Variants in NYAP2 observed in about 807,000 individuals in gnomAD.
NYAP2 encodes neuronal tyrosine-phosphorylated phosphoinositide-3-kinase adaptor 2.
NYAP2 carries 23 observed loss-of-function variants against 50.4 expected under a neutral mutation model. The ratio of observed to expected loss-of-function variants is 0.46; its 90% CI spans 0.33 to 0.65. NYAP2 has a LOEUF of 0.65. Ranked by LOEUF, NYAP2 falls within the 30% of genes least tolerant of loss-of-function variation. The probability of loss-of-function intolerance (pLI) is 0.02; values close to 1 mark genes in which losing one functional copy is unlikely to be tolerated. For synonymous variants in NYAP2, 394 were observed against 365.2 expected, an observed-to-expected ratio of 1.08 and a Z score of -0.90; for missense variants, 885 against 861.0, an observed-to-expected ratio of 1.03 and a Z score of -0.35.
intron 5 of NYAP2, among the ~76,000 whole-genome samples, chr2:225,585,004 T>C (rs1372440195): frequency 2.6e-5 from 4 of 152,200 alleles, no homozygotes; most frequent in Admixed American, 2.0e-4. Flanking sequence ...AAGCCAGAGA[T>C]GCTGCTTAAC....
chr2:225,493,563 G>T (rs1374372105), intron 3 of NYAP2, among the ~76,000 whole-genome samples: 1 of 152,178 alleles, frequency 6.6e-6, no homozygotes, highest in African/African-American at 2.4e-5. Flanking sequence ...AGGTAACTCA[G>T]TGTCTCTACT....
rs778402285 is a variant in NYAP2, at chr2:225,582,871, C to A, written c.1454C>A (p.Ala485Asp). The change falls in exon 5 of 7, where the codon GCC becomes GAC. Residue 485 changes from alanine to aspartate, a missense_variant. By Grantham distance (126) the Ala-to-Asp change is moderately radical (BLOSUM62 -2). Coordinates refer to ENST00000636099, the Ensembl canonical transcript of NYAP2. This position sits in a 1 kb window ranked among gnomAD's most constrained non-coding sequence, Gnocchi z 7.0. The stretch of plus-strand genomic sequence containing the variant: ...CCCAGACCCGTGTCGCAAGATGGGG[C>A]CAAGATGGTCAACGCCGCGGTGAAC... 1 of 1,613,744 alleles carries A rather than the reference C, an allele frequency of 6.2e-7. No homozygotes were observed. Among genetic ancestry groups the A allele is most frequent in the East Asian group, 2.2e-5 (1 of 44,880 alleles).
chr2:225,407,937 C>A (rs1204992858), intron 2 of NYAP2, among the ~76,000 whole-genome samples: 2 of 151,900 alleles, frequency 1.3e-5, no homozygotes, highest in Non-Finnish European at 2.9e-5. Context: ...ATAATATTAG[C>A]TAATAGTATT....
intron 2 of NYAP2, among the ~76,000 whole-genome samples, chr2:225,408,094 TG>T (rs1694971668): frequency 6.6e-6 from 1 of 151,990 alleles, no homozygotes; most frequent in Non-Finnish European, 1.5e-5. Context: ...TATGCTTTTT[TG>T]TTTTGTTTTG....
chr2:225,399,521 CTTATT>C (rs1694823012), upstream of NYAP2, among the ~76,000 whole-genome samples: 1 of 151,968 alleles, frequency 6.6e-6, no homozygotes, highest in Non-Finnish European at 1.5e-5. Flanking sequence ...TATTTTGCAT[CTTATT>C]TTAGTTAAAA....
At position 225,512,811 on chromosome 2, in the gene NYAP2, T is replaced by TC. The variant is rs61085436; in HGVS notation, c.222-560_222-559insC. Among the ~76,000 whole-genome samples the TC allele has an allele frequency of 1.2e-3, 52 of 43,340 alleles. 3 individuals are homozygous for TC. Among genetic ancestry groups the TC allele is most frequent in the African/African-American group, 4.2e-3 (50 of 11,836 alleles). The allele number at this position is 43,340 out of a possible 152,430, so 28.4% of individuals were successfully genotyped here. A position where few individuals can be genotyped will look rare whatever the true frequency, so the allele number is the denominator to read the frequency against. On this transcript the variant is annotated intron_variant, in intron 3 of 6. Coordinates refer to ENST00000636099, the Ensembl canonical transcript of NYAP2. ...CTTTCCCTCCCTCCCTCTCTTTCTT[T>TC]TCTTTCTTTCTCTCTCTCTCTCTCT...
chr2:225,494,187 G>T (rs1277291389), intron 3 of NYAP2, among the ~76,000 whole-genome samples: 1 of 152,176 alleles, frequency 6.6e-6, no homozygotes, highest in Non-Finnish European at 1.5e-5. Context: ...TGGGAACACT[G>T]CCAGTTCACC....
intron 6 of NYAP2, among the ~76,000 whole-genome samples, chr2:225,648,329 G>T (rs1693671180): frequency 6.6e-6 from 1 of 152,064 alleles, no homozygotes. Context: ...AAAGCAAGAA[G>T]CAGTGGAAAA....
chr2:225,602,999 G>A (rs1335331916), intron 5 of NYAP2, among the ~76,000 whole-genome samples: 2 of 151,890 alleles, frequency 1.3e-5, no homozygotes, highest in East Asian at 1.9e-4. Context: ...AAAGTTATTG[G>A]GATTGTTTTT....
the NYAP2 span, among the ~76,000 whole-genome samples, chr2:225,668,691 T>C: frequency 3.3e-5 from 5 of 152,118 alleles, no homozygotes; most frequent in African/African-American, 7.2e-5. Flanking sequence ...ATCTCGGCCT[T>C]GAACCCCTCT....
intron 3 of NYAP2, among the ~76,000 whole-genome samples, chr2:225,473,819 T>C (rs1690054662): frequency 6.6e-6 from 1 of 152,246 alleles, no homozygotes. Flanking sequence ...TTTAGTTAGA[T>C]CCCATTTGTC....
In NYAP2 at chr2:225,420,460, C is replaced by A. The variant is rs73099723; in HGVS notation, c.221+11359C>A. ...ATAGTTTGATTTCTTTTCTGAAGAG[C>A]AATGTATATTCAACATCACAGGGTA... is the stretch of plus-strand genomic sequence containing the variant. On this transcript the variant is annotated intron_variant, in intron 3 of 6. Transcript: ENST00000636099. 2.6e-3 allele frequency among the ~76,000 whole-genome samples: 391 copies of A among 152,160 alleles called. 3 individuals are homozygous for A. Among genetic ancestry groups the A allele is most frequent in the African/African-American group, 9.0e-3 (372 of 41,498 alleles).
At chr2:225,577,816 T>C (rs2106226271) in intron 4 of NYAP2, among the ~76,000 whole-genome samples, 1 of 151,910 alleles carries the variant, frequency 6.6e-6, no homozygotes, top group African/African-American at 2.4e-5. Flanking sequence ...ATTTTTTTTT[T>C]TTTTTAAAAA....
At chr2:225,474,253 A>G (rs996684523) in intron 3 of NYAP2, among the ~76,000 whole-genome samples, 1 of 152,134 alleles carries the variant, frequency 6.6e-6, no homozygotes, top group African/African-American at 2.4e-5. Flanking sequence ...TGATGCCTCC[A>G]GCTTTGTTCT....
chr2:225,668,007 C>T, the NYAP2 span, among the ~76,000 whole-genome samples: 1 of 152,140 alleles, frequency 6.6e-6, no homozygotes, highest in Non-Finnish European at 1.5e-5. Flanking sequence ...CTACTATCAT[C>T]TAATATAAAG....
the NYAP2 span, among the ~76,000 whole-genome samples, chr2:225,691,111 G>GT: frequency 6.6e-6 from 1 of 151,700 alleles, no homozygotes; most frequent in Admixed American, 6.6e-5. Flanking sequence ...ATTTATTTGA[G>GT]TTTTTCAGAT....
intron 4 of NYAP2, among the ~76,000 whole-genome samples, chr2:225,518,168 T>C (rs1015540300): frequency 1.3e-5 from 2 of 151,704 alleles, no homozygotes; most frequent in South Asian, 2.1e-4. Flanking sequence ...AATAGAATAC[T>C]ATTCAGTCAT....
At chr2:225,636,143 A>G (rs189179696) in intron 6 of NYAP2, among the ~76,000 whole-genome samples, 1 of 152,326 alleles carries the variant, frequency 6.6e-6, no homozygotes, top group Admixed American at 6.5e-5. Context: ...AAAGAATGTT[A>G]TAAGTAAGCC....
chr2:225,621,016 A>C (rs545327772), intron 5 of NYAP2, among the ~76,000 whole-genome samples: 2 of 151,466 alleles, frequency 1.3e-5, no homozygotes, highest in South Asian at 4.2e-4. Flanking sequence ...CGGGAGGCTG[A>C]GGCAGGAGAA....
Sources: gnomAD v4.1 joint callset for allele counts (sites outside exome capture counted in the v4.1 genomes callset) on GRCh38, gnomAD v4.1.1 for gene constraint, Gnocchi (gnomAD v3.1) non-coding constraint, MANE v1.5 for transcripts, NCBI Gene and HGNC (gene_info 2026-07-23, HGNC 2026-07-21) for gene names.